IAPP: variants seen among roughly 807,000 people sequenced by gnomAD.
IAPP encodes the protein islet amyloid polypeptide, also known as Islet amyloid polypeptide (diabetes-associated peptide; amylin).
IAPP carries 4 observed loss-of-function variants against 2.9 expected under a neutral mutation model. That is an observed-to-expected ratio of 1.39 (90% CI 0.69 to 3.19). The LOEUF (loss-of-function observed/expected upper bound fraction) is 3.19. IAPP is among the 30% of genes most tolerant of loss of function. The pLI is 0.01. For synonymous variants in IAPP, 40 were observed against 42.1 expected (o/e 0.95, Z 0.19); for missense variants, 114 against 105.3 (o/e 1.08, Z -0.36).
chr12:21,364,355 T>C (rs1347613272), intron 1 of IAPP, among the ~76,000 whole-genome samples: 1 of 152,244 alleles, frequency 6.6e-6, no homozygotes, highest in African/African-American at 2.4e-5. Flanking sequence ...CAGCTCTTCA[T>C]GCTGAAAACT....
At chr12:21,356,523 GA>G (rs1938377660) in intron 1 of IAPP, among the ~76,000 whole-genome samples, 1 of 134,906 alleles carries the variant, frequency 7.4e-6, no homozygotes, top group East Asian at 2.3e-4. Context: ...AGAGAGGTAA[GA>G]AAAAAATGAG....
At chr12:21,373,086 AG>A in intron 1 of IAPP, 82 bp downstream of exon 1, 1 of 434,880 alleles carries the variant, frequency 2.3e-6, no homozygotes, top group Non-Finnish European at 4.1e-6. Flanking sequence ...TTTATTTCAA[AG>A]AAAGGCTAAA....
chr12:21,365,018 A>C (rs905414243), intron 1 of IAPP, among the ~76,000 whole-genome samples: 1 of 152,178 alleles, frequency 6.6e-6, no homozygotes, highest in Non-Finnish European at 1.5e-5. Flanking sequence ...GCTACCAATG[A>C]CTTTCTTCAC....
intron 1 of IAPP, among the ~76,000 whole-genome samples, chr12:21,359,930 A>G (rs534883554): frequency 1.6e-3 from 249 of 152,316 alleles, no homozygotes; most frequent in Non-Finnish European, 3.0e-3. Flanking sequence ...TTTGTAATAT[A>G]TTCACACAAT....
chr12:21,378,154 A>G (rs1458665146), intron 2 of IAPP, 83 bp from the exon 3 acceptor site: 1 of 1,252,426 alleles, frequency 8.0e-7, no homozygotes, highest in Admixed American at 1.9e-5. Flanking sequence ...GGTTTTCATC[A>G]ATACAAGATA....
At chr12:21,373,719 G>A (rs1939974027) in intron 2 of IAPP, 5 of 700,268 alleles carry the variant, frequency 7.1e-6, no homozygotes, top group Non-Finnish European at 1.0e-5. Context: ...CATGAAGCGG[G>A]AAAAAAATCA....
At chr12:21,363,064 C>G (rs370249964) in intron 1 of IAPP, among the ~76,000 whole-genome samples, 2 of 152,210 alleles carry the variant, frequency 1.3e-5, no homozygotes, top group Non-Finnish European at 2.9e-5. Context: ...ATCTACAGAA[C>G]TCTCCACCCC....
rs1167876134 is a variant in IAPP, at chr12:21,378,556, T to G, written c.*130T>G. ...GATGTTTGTTGCTAGGACATATACC[T>G]TCTCAAAAGATTGTTTTATATGTAG... On this transcript the variant is annotated 3_prime_UTR_variant, in exon 3 of 3. Transcript: ENST00000240652. 2.7e-6 allele frequency: 2 copies of G among 735,048 alleles called. No individual in the cohort carries two copies. Among genetic ancestry groups the G allele is most frequent in the Non-Finnish European group, 4.7e-6 (2 of 427,374 alleles). The allele number at this position is 735,048 out of a possible 1,614,324, so 45.5% of individuals were successfully genotyped here.
upstream of IAPP, among the ~76,000 whole-genome samples, chr12:21,367,978 C>A (rs972569290): frequency 1.3e-5 from 2 of 152,032 alleles, no homozygotes; most frequent in South Asian, 4.1e-4. Context: ...AAATGAATGA[C>A]AGAATTAGAC....
chr12:21,361,282 G>A (rs1471833719), intron 1 of IAPP, among the ~76,000 whole-genome samples: 1 of 152,236 alleles, frequency 6.6e-6, no homozygotes. Flanking sequence ...AGGGTCTGGA[G>A]TGGACCTCCA....
At chr12:21,378,044 T>C (rs1940332047) in intron 2 of IAPP, among the ~76,000 whole-genome samples, 193 bp from the exon 3 acceptor site, 1 of 152,226 alleles carries the variant, frequency 6.6e-6, no homozygotes, top group African/African-American at 2.4e-5. Context: ...AGATGTTGTA[T>C]GATTTTCAAT....
chr12:21,359,663 C>A (rs1017651930), intron 1 of IAPP, among the ~76,000 whole-genome samples: 11 of 151,646 alleles, frequency 7.3e-5, no homozygotes, highest in Non-Finnish European at 4.4e-5. Context: ...AGGAGAATGG[C>A]ATGAACCCAG....
At chr12:21,362,926 A>T (rs537587973) in intron 1 of IAPP, among the ~76,000 whole-genome samples, 1 of 152,152 alleles carries the variant, frequency 6.6e-6, no homozygotes, top group Non-Finnish European at 1.5e-5. Context: ...AGAGACTTAG[A>T]CTCCCACACA....
chr12:21,373,882 T>G, intron 2 of IAPP: 1 of 494,368 alleles, frequency 2.0e-6, no homozygotes, highest in Admixed American at 3.5e-5. Flanking sequence ...TAAAAACTTT[T>G]ACATCTTGTG....
upstream of IAPP, chr12:21,372,898 A>G (rs185132853): frequency 1.5e-3 from 302 of 197,508 alleles, 3 homozygotes; most frequent in South Asian, 0.014. Context: ...ACTAGTTAGC[A>G]AATGAGGGGG....
intron 1 of IAPP, among the ~76,000 whole-genome samples, chr12:21,365,319 G>A (rs1042458240): frequency 2.0e-5 from 3 of 152,094 alleles, no homozygotes; most frequent in Non-Finnish European, 2.9e-5. Context: ...TTTAATAAAC[G>A]GTGCTGGGAA....
upstream of IAPP, among the ~76,000 whole-genome samples, chr12:21,368,981 TA>T (rs774994962): frequency 6.1e-4 from 93 of 152,058 alleles, no homozygotes; most frequent in Non-Finnish European, 1.0e-3. Flanking sequence ...ACAGCTAAAA[TA>T]AAGAAATGTA....
chr12:21,379,024 G>T lies in IAPP; in HGVS notation c.*598G>T, dbSNP rs1331948658. Reference sequence around the variant, plus strand: ...CAGGAGGCGGAGGTTGCAGTGAGCCGAGATTGCACCACTGCACTCCAGCCT... The same window carrying T: ...CAGGAGGCGGAGGTTGCAGTGAGCCTAGATTGCACCACTGCACTCCAGCCT... On this transcript the variant is annotated 3_prime_UTR_variant, in exon 3 of 3. Transcript: ENST00000240652. 6.6e-6 allele frequency: 1 copy of T among 152,408 alleles called. No individual in the cohort carries two copies. Among genetic ancestry groups the T allele is most frequent in the Non-Finnish European group, 1.5e-5 (1 of 68,268 alleles). 9.4% of individuals were successfully genotyped at this position (152,408 alleles called of 1,614,324 possible). A position where few individuals can be genotyped will look rare whatever the true frequency, so the allele number is the denominator to read the frequency against.
chr12:21,379,513 T>C lies in IAPP; in HGVS notation c.*1087T>C, dbSNP rs894289923. 4 of 152,248 alleles carry C rather than the reference T, an allele frequency of 2.6e-5. No homozygotes were observed. Among genetic ancestry groups the C allele is most frequent in the African/African-American group, 9.6e-5 (4 of 41,466 alleles). 9.4% of individuals were successfully genotyped at this position (152,248 alleles called of 1,614,324 possible). A position where few individuals can be genotyped will look rare whatever the true frequency, so the allele number is the denominator to read the frequency against. On this transcript the variant is annotated 3_prime_UTR_variant, in exon 3 of 3. Coordinates refer to ENST00000240652, the MANE Select transcript of IAPP (RefSeq NM_000415.3). ...CTTTGCTGTATAAGAATTATTTCTT[T>C]TGTTTAACAAATTAGACATTTCTGG...
Sources: gnomAD v4.1 joint callset for allele counts (sites outside exome capture counted in the v4.1 genomes callset) on GRCh38, gnomAD v4.1.1 for gene constraint, MANE v1.5 for transcripts, NCBI Gene and HGNC (gene_info 2026-07-23, HGNC 2026-07-21) for gene names.